The following CAMK2D variants were observed in gnomAD, a reference collection of about 807,000 sequenced individuals.
The protein encoded by CAMK2D is calcium/calmodulin-dependent protein kinase type II subunit delta.
Under a neutral mutation model 84.0 loss-of-function variants are expected in CAMK2D, and 37 were observed. The observed-to-expected ratio is 0.44, with a 90% CI of 0.34 to 0.58. CAMK2D has a LOEUF of 0.58. CAMK2D is among the 20% of genes least tolerant of loss of function. CAMK2D has a pLI of 0.02. For synonymous variants in CAMK2D, 202 were observed against 212.5 expected (o/e 0.95, Z 0.43); for missense variants, 448 against 652.5 (o/e 0.69, Z 3.41).
At chr4:113,494,090 G>T (rs1464030431) in intron 16 of CAMK2D, among the ~76,000 whole-genome samples, 1 of 152,106 alleles carries the variant, frequency 6.6e-6, no homozygotes, top group South Asian at 2.1e-4. Context: ...TGGTTTGAAT[G>T]TCCTCCCGTA....
At chr4:113,560,799 C>G (rs571839942) in intron 4 of CAMK2D, among the ~76,000 whole-genome samples, 1 of 152,296 alleles carries the variant, frequency 6.6e-6, no homozygotes, top group South Asian at 2.1e-4. Flanking sequence ...GCTATTTCCC[C>G]TATTTCCTAT....
intron 2 of CAMK2D, among the ~76,000 whole-genome samples, chr4:113,672,723 T>C (rs2099295448): frequency 1.3e-5 from 2 of 151,842 alleles, no homozygotes; most frequent in African/African-American, 4.8e-5. Flanking sequence ...AATTTAATTC[T>C]ATATTCTTTG....
chr4:113,457,145 A>G, intron 19 of CAMK2D, 190 bp downstream of exon 19: 1 of 1,418,714 alleles, frequency 7.0e-7, no homozygotes, highest in Non-Finnish European at 9.2e-7. Flanking sequence ...GCAAGTTTCA[A>G]CCCACAAATG....
In CAMK2D at chr4:113,460,186, C is replaced by G. The variant is rs1455515647; in HGVS notation, c.1267G>C (p.Val423Leu). ...AFEPEALGNLVEGMDFHRFYF... is the reference protein window; with the variant it reads ...AFEPEALGNLLEGMDFHRFYF... The stretch of plus-strand genomic sequence containing the variant: ...AATCGGTGAAAATCCATCCCTTCCA[C>G]TAAATTACCCAAAGCTTCAGGTTCA... The change falls in exon 18 of 21, where the codon GTG (valine) becomes CTG (leucine). Residue 423 changes from valine (V) to leucine (L), a missense_variant. Physicochemically the swap from Val to Leu is conservative, Grantham distance 32. Coordinates refer to ENST00000511664, the MANE Select transcript of CAMK2D (RefSeq NM_001321571.2). The G allele has an allele frequency of 6.2e-7, 1 of 1,607,050 alleles. No individual in the cohort carries two copies. The highest frequency in any genetic ancestry group is 2.2e-5 in the East Asian group (1 of 44,798).
intron 9 of CAMK2D, among the ~76,000 whole-genome samples, chr4:113,516,727 T>C (rs1225943033): frequency 6.6e-6 from 1 of 152,192 alleles, no homozygotes; most frequent in South Asian, 2.1e-4. Flanking sequence ...CATTGAGCTT[T>C]CAACTTGTGC....
chr4:113,641,066 A>G (rs2099130677), intron 3 of CAMK2D, among the ~76,000 whole-genome samples: 1 of 152,224 alleles, frequency 6.6e-6, no homozygotes, highest in Non-Finnish European at 1.5e-5. Context: ...TTTCATGTGT[A>G]AATGTCCTAA....
chr4:113,755,483 A>C (rs1012655088), intron 2 of CAMK2D, among the ~76,000 whole-genome samples: 1 of 151,948 alleles, frequency 6.6e-6, no homozygotes, highest in African/African-American at 2.4e-5. Context: ...TTTTACAAAA[A>C]CAGTGACTGT....
chr4:113,724,293 T>A (rs1014639316), intron 2 of CAMK2D, among the ~76,000 whole-genome samples: 3 of 152,062 alleles, frequency 2.0e-5, no homozygotes, highest in Non-Finnish European at 4.4e-5. Context: ...TTTTTCTTTT[T>A]ACGATTCTCG....
At chr4:113,710,084 G>A (rs760613536) in intron 2 of CAMK2D, among the ~76,000 whole-genome samples, 1 of 151,816 alleles carries the variant, frequency 6.6e-6, no homozygotes, top group South Asian at 2.1e-4. Context: ...CAGATTTTCC[G>A]AGATTCTTAC....
rs112219896 is a variant in CAMK2D, at chr4:113,682,765, T to C, written c.161-20993A>G. ...TGGTTCAGTAAACACATGAAAAGTG[T>C]TCCTTTACAATGACTATTATTCTAA... On this transcript the variant is annotated intron_variant, in intron 2 of 20. Transcript: ENST00000511664. Among the ~76,000 whole-genome samples the C allele has an allele frequency of 3.9e-3, 587 of 152,328 alleles. 5 individuals are homozygous for C. Among genetic ancestry groups the C allele is most frequent in the African/African-American group, 0.014 (563 of 41,566 alleles).
At chr4:113,668,194 C>T (rs142534890) in intron 2 of CAMK2D, among the ~76,000 whole-genome samples, 353 of 152,138 alleles carry the variant, frequency 2.3e-3, no homozygotes, top group African/African-American at 5.4e-3. Flanking sequence ...GTTTCATCTA[C>T]GGAGGAAAAT....
At chr4:113,638,980 C>A (rs764341824) in intron 3 of CAMK2D, among the ~76,000 whole-genome samples, 1 of 151,842 alleles carries the variant, frequency 6.6e-6, no homozygotes, top group Non-Finnish European at 1.5e-5. Context: ...CGGTGGTTCA[C>A]GCCTGTAATC....
chr4:113,607,304 G>A (rs187716483), intron 4 of CAMK2D, among the ~76,000 whole-genome samples: 81 of 152,278 alleles, frequency 5.3e-4, no homozygotes, highest in Non-Finnish European at 2.2e-4. Flanking sequence ...GATGAACTGG[G>A]ACTGTGGAGA....
intron 3 of CAMK2D, among the ~76,000 whole-genome samples, chr4:113,639,924 CA>C (rs1354943097): frequency 6.6e-6 from 1 of 151,862 alleles, no homozygotes; most frequent in East Asian, 1.9e-4. Context: ...TTCTTCATAG[CA>C]AAGGGAAGAA....
intron 17 of CAMK2D, 96 bp downstream of exon 17, chr4:113,465,433 T>A: frequency 1.3e-6 from 1 of 753,540 alleles, no homozygotes; most frequent in East Asian, 2.6e-5. Flanking sequence ...AAACCTTGAA[T>A]TAAATATATG....
chr4:113,490,621 T>C (rs2097826166), intron 16 of CAMK2D, among the ~76,000 whole-genome samples: 1 of 151,732 alleles, frequency 6.6e-6, no homozygotes, highest in Admixed American at 6.6e-5. Context: ...GACTTGGCGA[T>C]GCGGGCTCTG....
chr4:113,484,539 T>A (rs189632192), intron 16 of CAMK2D, among the ~76,000 whole-genome samples: 13 of 152,254 alleles, frequency 8.5e-5, no homozygotes, highest in Admixed American at 3.3e-4. Context: ...TGAGATTTTT[T>A]AAAAAAGCCC....
chr4:113,560,649 A>T (rs1365662253), intron 4 of CAMK2D, among the ~76,000 whole-genome samples: 2 of 152,054 alleles, frequency 1.3e-5, no homozygotes, highest in Non-Finnish European at 2.9e-5. Context: ...ACACATGTGG[A>T]CTCTATCTGT....
chr4:113,669,733 A>T (rs11098199), intron 2 of CAMK2D, among the ~76,000 whole-genome samples: 68,798 of 151,964 alleles, frequency 0.45, 16,686 homozygotes, highest in African/African-American at 0.65. Flanking sequence ...GATATGAAAC[A>T]TGTCTTATGA....
Sources: gnomAD v4.1 joint callset for allele counts (sites outside exome capture counted in the v4.1 genomes callset) on GRCh38, gnomAD v4.1.1 for gene constraint, MANE v1.5 for transcripts, NCBI Gene and HGNC (gene_info 2026-07-23, HGNC 2026-07-21) for gene names.